Variants in RUNX1T1 observed in about 807,000 individuals in gnomAD.
RUNX1T1 encodes RUNX1 partner transcriptional co-repressor 1, also known as protein CBFA2T1.
RUNX1T1 carries 4 observed loss-of-function variants against 62.8 expected under a neutral mutation model. That is an observed-to-expected ratio of 0.06 (90% CI 0.03 to 0.15). The LOEUF (loss-of-function observed/expected upper bound fraction) is 0.15. RUNX1T1 is among the 10% of genes least tolerant of loss of function. The pLI is 1.00. For missense variants in RUNX1T1, 508 were observed against 754.3 expected (o/e 0.67, Z 3.82); for synonymous variants, 291 against 286.0 (o/e 1.02, Z -0.18).
chr8:92,068,290 A>G (rs1304333890), intron 2 of RUNX1T1, among the ~76,000 whole-genome samples: 1 of 152,198 alleles, frequency 6.6e-6, no homozygotes, highest in East Asian at 1.9e-4. Flanking sequence ...GGACTGTAAC[A>G]CTATATAGAA....
chr8:91,961,670 G>A (rs1810477380), intron 10 of RUNX1T1, among the ~76,000 whole-genome samples: 1 of 152,306 alleles, frequency 6.6e-6, no homozygotes, highest in South Asian at 2.1e-4. Context: ...CTATGAGTGT[G>A]GTGGGGAGGG....
upstream of RUNX1T1, among the ~76,000 whole-genome samples, chr8:92,102,520 CG>C (rs1397002776): frequency 2.0e-5 from 3 of 151,944 alleles, no homozygotes; most frequent in African/African-American, 7.2e-5. The surrounding 1 kb of genome is among the most constrained non-coding windows in gnomAD (Gnocchi z 4.5). Flanking sequence ...GTTGTTTTGT[CG>C]GGGGAGAAAC....
chr8:92,067,873 T>G (rs1370670799), upstream of RUNX1T1, among the ~76,000 whole-genome samples: 1 of 152,206 alleles, frequency 6.6e-6, no homozygotes, highest in African/African-American at 2.4e-5. Context: ...TTCCACCAAC[T>G]TATTTTCAAC....
At chr8:92,030,363 C>A (rs116866979) in intron 1 of RUNX1T1, among the ~76,000 whole-genome samples, 2,527 of 152,180 alleles carry the variant, frequency 0.017, 30 homozygotes, top group Non-Finnish European at 0.02. Context: ...TCAACTCAGT[C>A]CCAGAACGTA....
chr8:91,977,477 TAAAAGG>T (rs1247750300), intron 8 of RUNX1T1: 1 of 192,164 alleles, frequency 5.2e-6, no homozygotes, highest in African/African-American at 2.3e-5. Context: ...ATAAACAACC[TAAAAGG>T]AAATGTGATA....
At chr8:92,092,493 G>A (rs1837182915) in intron 1 of RUNX1T1, among the ~76,000 whole-genome samples, 1 of 152,076 alleles carries the variant, frequency 6.6e-6, no homozygotes, top group South Asian at 2.1e-4. Context: ...AAATATCCCT[G>A]ATTAGTTTAA....
intron 3 of RUNX1T1, among the ~76,000 whole-genome samples, chr8:92,011,678 G>C (rs1821958197): frequency 6.6e-6 from 1 of 152,196 alleles, no homozygotes; most frequent in Non-Finnish European, 1.5e-5. Flanking sequence ...GTGAGTCAAT[G>C]AGTTTTGTAG....
chr8:92,064,916 C>T (rs532407282), upstream of RUNX1T1, among the ~76,000 whole-genome samples: 13 of 152,178 alleles, frequency 8.5e-5, no homozygotes, highest in African/African-American at 2.9e-4. Context: ...CAGTAATTGC[C>T]ACTTTAAATT....
chr8:92,042,806 A>G (rs1194287974), intron 1 of RUNX1T1, among the ~76,000 whole-genome samples: 1 of 152,278 alleles, frequency 6.6e-6, no homozygotes, highest in Non-Finnish European at 1.5e-5. Flanking sequence ...ATACACGCAC[A>G]CACAAAGGAA....
At chr8:92,091,695 C>T (rs1837048049) in intron 1 of RUNX1T1, among the ~76,000 whole-genome samples, 1 of 152,176 alleles carries the variant, frequency 6.6e-6, no homozygotes, top group African/African-American at 2.4e-5. Flanking sequence ...GAAATAGCCG[C>T]ATGATGCCCA....
At chr8:91,958,353 C>G, downstream of RUNX1T1, 1 of 195,638 alleles carries the variant, frequency 5.1e-6, no homozygotes, top group Non-Finnish European at 1.1e-5. Context: ...GTTTAACCTG[C>G]TGATCATTTG....
chr8:92,066,317 C>T (rs1027370713), upstream of RUNX1T1, among the ~76,000 whole-genome samples: 2 of 152,186 alleles, frequency 1.3e-5, no homozygotes, highest in African/African-American at 2.4e-5. Flanking sequence ...GCTTGCTTGT[C>T]CCACTTTCAA....
chr8:91,984,541 T>C (rs556456447), intron 8 of RUNX1T1, among the ~76,000 whole-genome samples: 3 of 152,282 alleles, frequency 2.0e-5, no homozygotes, highest in East Asian at 1.9e-4. Flanking sequence ...GCCTAGCACA[T>C]TGCCTGGCAC....
rs1326879843 is a variant in RUNX1T1, at chr8:91,995,264, C to T, written c.660-3375G>A. On this transcript the variant is annotated intron_variant, in intron 5 of 10. Coordinates refer to ENST00000396218, the Ensembl canonical transcript of RUNX1T1. ...CAATTTATCTTCATCCTTAGATAAA[C>T]CCTTTGTTCAGTGCTATTACTTCAA... Among the ~76,000 whole-genome samples the T allele has an allele frequency of 2.0e-5, 3 of 152,086 alleles. No individual in the cohort carries two copies. The East Asian group carries it at 5.8e-4, about 29-fold the overall frequency.
At chr8:92,028,891 A>C (rs1825744239) in intron 1 of RUNX1T1, among the ~76,000 whole-genome samples, 1 of 152,180 alleles carries the variant, frequency 6.6e-6, no homozygotes, top group Non-Finnish European at 1.5e-5. Flanking sequence ...AAAAACAAAA[A>C]CAAGTCATTA....
At position 91,977,063 on chromosome 8, in the gene RUNX1T1, A is replaced by G. The variant is rs79307190; in HGVS notation, c.1199-1090T>C. ...ATTTTATGGTGCTACACAATGTCAA[A>G]AATAAAGAAAAGCACGATGAGTTTA... On this transcript the variant is annotated intron_variant, in intron 8 of 10. Transcript: ENST00000396218. 8.9e-3 allele frequency: 1,710 copies of G among 191,850 alleles called. 22 individuals are homozygous for G. The highest frequency in any genetic ancestry group is 0.037 in the African/African-American group (1,591 of 43,142). The allele number at this position is 191,850 out of a possible 1,614,324, so 11.9% of individuals were successfully genotyped here. A position where few individuals can be genotyped will look rare whatever the true frequency, so the allele number is the denominator to read the frequency against.
intron 1 of RUNX1T1, among the ~76,000 whole-genome samples, chr8:92,038,288 G>A (rs1189386122): frequency 1.3e-5 from 2 of 151,970 alleles, no homozygotes; most frequent in Non-Finnish European, 2.9e-5. Context: ...CCCAGTCCTA[G>A]TACAGTGTCT....
At position 92,000,952 on chromosome 8, in the gene RUNX1T1, T is replaced by C. The variant is rs542882465; in HGVS notation, c.659+4164A>G. Among the ~76,000 whole-genome samples, 5 of 152,342 alleles carry C rather than the reference T, an allele frequency of 3.3e-5. No individual in the cohort carries two copies. In the South Asian group the frequency reaches 1.0e-3, roughly 32 times the overall value. The stretch of plus-strand genomic sequence containing the variant: ...TTATGCAACTGGAAGATTTCAAGTA[T>C]GCAAATATGCTTGTTTCTCCACTAA... On this transcript the variant is annotated intron_variant, in intron 5 of 10. Transcript: ENST00000396218.
chr8:92,097,324 A>G (rs1042871697), intron 1 of RUNX1T1, among the ~76,000 whole-genome samples: 11 of 152,178 alleles, frequency 7.2e-5, no homozygotes, highest in African/African-American at 2.7e-4. Flanking sequence ...ATGGGTGAAA[A>G]TCTGTCATTC....
Sources: gnomAD v4.1 joint callset for allele counts (sites outside exome capture counted in the v4.1 genomes callset) on GRCh38, gnomAD v4.1.1 for gene constraint, Gnocchi (gnomAD v3.1) non-coding constraint, MANE v1.5 for transcripts, NCBI Gene and HGNC (gene_info 2026-07-23, HGNC 2026-07-21) for gene names.